C9orf43: variants seen among roughly 807,000 people sequenced by gnomAD.
C9orf43 encodes the protein chromosome 9 open reading frame 43.
Under a neutral mutation model 59.1 loss-of-function variants are expected in C9orf43, and 45 were observed. The observed-to-expected ratio is 0.76, with a 90% confidence interval of 0.60 to 0.98. The LOEUF (loss-of-function observed/expected upper bound fraction) is 0.98. Ranked by LOEUF, C9orf43 falls within the 50% of genes least tolerant of loss-of-function variation. The pLI is 0.00. For synonymous variants in C9orf43, 203 were observed against 196.8 expected (o/e 1.03, Z -0.26); for missense variants, 533 against 554.9 (o/e 0.96, Z 0.40).
chr9:113,410,882 T>G lies in C9orf43; in HGVS notation c.-169T>G. On this transcript the variant is annotated 5_prime_UTR_variant, in exon 1 of 14. Coordinates refer to ENST00000374165, the MANE Select transcript of C9orf43 (RefSeq NM_001278629.2). ...GCTCTCACAGGACCTCAGCCCGTCG[T>G]GATCAGATTCTCCCACTTTCTTTTT... The G allele has an allele frequency of 5.4e-6, 5 of 931,986 alleles. No homozygotes were observed. The highest frequency in any genetic ancestry group is 6.4e-6 in the Non-Finnish European group (5 of 780,396). 57.7% of individuals were successfully genotyped at this position (931,986 alleles called of 1,614,324 possible). A position where few individuals can be genotyped will look rare whatever the true frequency, so the allele number is the denominator to read the frequency against.
intron 4 of C9orf43, chr9:113,420,849 T>G: frequency 1.1e-6 from 1 of 922,984 alleles, no homozygotes; most frequent in Non-Finnish European, 1.3e-6. Context: ...GGATTGGGAG[T>G]TGCTAAATGC....
chr9:113,413,585 T>C lies in C9orf43; in HGVS notation c.92T>C (p.Ile31Thr), dbSNP rs1828251136. The change falls in exon 2 of 14, where the codon ATT becomes ACT. Residue 31 changes from isoleucine (I) to threonine (T), a missense_variant. Ile to Thr is a moderately conservative substitution (Grantham distance 89). Transcript: ENST00000374165. ...HPQCWATIRR[I>T]ERGHPRILGS... ...CAATGCTGGGCAACTATCCGCCGCA[T>C]TGAGAGGGGCCATCCTCGAATCCTC... 1 of 1,614,228 alleles carries C rather than the reference T, an allele frequency of 6.2e-7. No homozygotes were observed. The highest frequency in any genetic ancestry group is 8.5e-7 in the Non-Finnish European group (1 of 1,180,042).
intron 3 of C9orf43, among the ~76,000 whole-genome samples, chr9:113,417,607 G>A (rs1266258723): frequency 6.6e-6 from 1 of 152,250 alleles, no homozygotes; most frequent in Admixed American, 6.5e-5. Flanking sequence ...TCAGGGCACT[G>A]TCTTCTGTGT....
intron 11 of C9orf43, among the ~76,000 whole-genome samples, chr9:113,426,279 A>G (rs1050200520): frequency 3.9e-5 from 6 of 152,170 alleles, no homozygotes; most frequent in African/African-American, 1.4e-4. Context: ...CTTTTGCTCC[A>G]GTGCTCATGC....
At chr9:113,425,488 T>A (rs1162553870) in intron 10 of C9orf43, 68 bp downstream of exon 10, 1 of 1,548,734 alleles carries the variant, frequency 6.5e-7, no homozygotes, top group Non-Finnish European at 8.8e-7. Context: ...AAGGGATGTA[T>A]GAAAGGTGGG....
intron 1 of C9orf43, among the ~76,000 whole-genome samples, chr9:113,412,301 T>A (rs1046861246): frequency 1.3e-5 from 2 of 152,210 alleles, no homozygotes; most frequent in African/African-American, 4.8e-5. Context: ...ATTTTAAAAT[T>A]GATTCAAATT....
intron 11 of C9orf43, among the ~76,000 whole-genome samples, chr9:113,426,913 G>A (rs1055057294): frequency 2.6e-5 from 4 of 152,178 alleles, no homozygotes; most frequent in African/African-American, 9.7e-5. Context: ...TCTTGAGTAT[G>A]TGTGGGAGTT....
At chr9:113,411,465 AT>A (rs945996255) in intron 1 of C9orf43, among the ~76,000 whole-genome samples, 2 of 151,634 alleles carry the variant, frequency 1.3e-5, no homozygotes, top group Admixed American at 6.6e-5. Flanking sequence ...CGCCCGGCTA[AT>A]TTTTTTGTAT....
Position 113,423,365 on chromosome 9 carries a change from G to A in C9orf43, c.523G>A (p.Ala175Thr), listed in dbSNP as rs142991325. 51 of 1,613,880 alleles carry A rather than the reference G, an allele frequency of 3.2e-5. No homozygotes were observed. The highest frequency in any genetic ancestry group is 2.7e-4 in the African/African-American group (20 of 74,898). ...TCTGGGTCTCTCTGGAAATCAGTCC[G>A]CAGGAACACGAGTAGGAACACCAGG... ...SFLGLSGNQS[A>T]GTRVGTPGMI... Residue 175 changes from alanine (A) to threonine (T), a missense_variant, in exon 7 of 14, where the codon GCA becomes ACA. Coordinates refer to ENST00000374165, the MANE Select transcript of C9orf43 (RefSeq NM_001278629.2).
chr9:113,411,058 C>G, intron 1 of C9orf43, 57 bp downstream of exon 1: 1 of 985,386 alleles, frequency 1.0e-6, no homozygotes, highest in South Asian at 4.7e-5. Context: ...TTAACGCGAA[C>G]TATTTAGGCA....
At chr9:113,429,135 GT>G (rs745869040) in intron 13 of C9orf43, 36 bp from the exon 14 acceptor site, 3 of 1,597,002 alleles carry the variant, frequency 1.9e-6, no homozygotes, top group East Asian at 4.5e-5. Flanking sequence ...GTTGAGAGGA[GT>G]TTACAGGTGC....
In C9orf43 at chr9:113,415,685, T is replaced by C. The variant is rs112533401; in HGVS notation, c.287+1791T>C. Among the ~76,000 whole-genome samples the C allele has an allele frequency of 1.6e-4, 24 of 152,264 alleles. 1 individual carries two copies. Among genetic ancestry groups the C allele is most frequent in the African/African-American group, 4.8e-4 (20 of 41,554 alleles). On this transcript the variant is annotated intron_variant, in intron 3 of 13. Coordinates refer to ENST00000374165, the MANE Select transcript of C9orf43 (RefSeq NM_001278629.2). ...AAAGCAGTGCCTTTTTTTTTTCTTTTCTTGAGTCTCCTACAATGTCTGTGT... is the reference window on the plus strand; with the variant it reads ...AAAGCAGTGCCTTTTTTTTTTCTTTCCTTGAGTCTCCTACAATGTCTGTGT...
chr9:113,412,766 C>T (rs1828218349), intron 1 of C9orf43, among the ~76,000 whole-genome samples: 1 of 152,204 alleles, frequency 6.6e-6, no homozygotes, highest in East Asian at 1.9e-4. Context: ...GTCAGGACCC[C>T]TCCCCCTACT....
At position 113,428,927 on chromosome 9, in the gene C9orf43, T is replaced by C; in HGVS notation, c.1135T>C (p.Tyr379His). The C allele has an allele frequency of 6.2e-7, 1 of 1,613,950 alleles. No individual in the cohort carries two copies. The highest frequency in any genetic ancestry group is 8.5e-7 in the Non-Finnish European group (1 of 1,179,804). ...QDSTERPKMNYYDHADFHHSV... is the reference protein window; with the variant it reads ...QDSTERPKMNHYDHADFHHSV... ...TTCCACGGAGAGACCAAAGATGAAC[T>C]ACTATGACCATGCGGATTTCCACCA... The change falls in exon 13 of 14, where the codon TAC (tyrosine) becomes CAC (histidine). Residue 379 changes from tyrosine (Y) to histidine (H), a missense_variant. By Grantham distance (83) the Tyr-to-His change is moderately conservative (BLOSUM62 2). Transcript: ENST00000374165.
At chr9:113,412,033 C>G (rs887227762) in intron 1 of C9orf43, among the ~76,000 whole-genome samples, 3 of 152,130 alleles carry the variant, frequency 2.0e-5, no homozygotes, top group African/African-American at 7.2e-5. Context: ...CCAAGTCGCC[C>G]TGTAGTTTTC....
intron 9 of C9orf43, 40 bp from the exon 10 acceptor site, chr9:113,425,304 G>A: frequency 6.2e-7 from 1 of 1,611,688 alleles, no homozygotes; most frequent in South Asian, 1.1e-5. Context: ...GGAGAGAGGG[G>A]GCTGTTAGAA....
intron 4 of C9orf43, among the ~76,000 whole-genome samples, chr9:113,419,602 A>T (rs1828494172): frequency 6.6e-6 from 1 of 151,856 alleles, no homozygotes. Context: ...CCATGGAACA[A>T]TCCTTACCCT....
chr9:113,428,169 G>A lies in C9orf43; in HGVS notation c.1053G>A (p.Gln351=), dbSNP rs1164901027. The A allele has an allele frequency of 2.5e-6, 4 of 1,614,102 alleles. No homozygotes were observed. The Admixed American group carries it at 6.7e-5, about 27-fold the overall frequency. The change falls in exon 12 of 14, where the codon CAG becomes CAA. Residue 351 remains glutamine, a synonymous_variant. Transcript: ENST00000374165. ...TAGGTTACAGAACTCTGCCAGGTCA[G>A]AACAGTGACATGAAGCAGCAGCAGC... ...RLYGYRTLPG[Q]NSDMKQQQQM...
rs765712502 is a variant in C9orf43, at chr9:113,413,901, T to C, written c.287+7T>C. 4 of 1,606,856 alleles carry C rather than the reference T, an allele frequency of 2.5e-6. No individual in the cohort carries two copies. Among genetic ancestry groups the C allele is most frequent in the Non-Finnish European group, 1.7e-6 (2 of 1,177,696 alleles). ...ACTCCAAATTTCATGGCAGGTAAATTATCATGGAATCTTCCTTTACAGCCT... is the reference window on the plus strand; with the variant it reads ...ACTCCAAATTTCATGGCAGGTAAATCATCATGGAATCTTCCTTTACAGCCT... On this transcript the variant is annotated splice_region_variant and intron_variant, in intron 3 of 13. Transcript: ENST00000374165.
Sources: allele counts gnomAD v4.1 joint callset (sites outside exome capture counted in the v4.1 genomes callset), GRCh38; gene constraint gnomAD v4.1.1; transcripts MANE v1.5; gene names NCBI Gene and HGNC (gene_info 2026-07-23, HGNC 2026-07-21).